The following NFASC variants were observed in gnomAD, a reference collection of about 807,000 sequenced individuals.
The protein encoded by NFASC is neurofascin homolog.
A neutral mutation model predicts 147.5 loss-of-function variants in NFASC; 43 were observed. That is an observed-to-expected ratio of 0.29 (90% CI 0.23 to 0.38). The LOEUF is 0.38. NFASC is among the 10% of genes least tolerant of loss of function. NFASC has a pLI of 1.00. For missense variants in NFASC, 1,320 were observed against 1,689.0 expected, an observed-to-expected ratio of 0.78 and a Z score of 3.83; for synonymous variants, 622 against 665.5, an observed-to-expected ratio of 0.93 and a Z score of 1.01.
intron 3 of NFASC, 100 bp from the exon 4 acceptor site, chr1:204,950,457 C>G: frequency 9.0e-7 from 1 of 1,109,224 alleles, no homozygotes; most frequent in Non-Finnish European, 1.3e-6. Flanking sequence ...ACACCCCGCC[C>G]ACTCCCTGTG....
At chr1:204,908,342 T>C (rs1572849535) in intron 1 of NFASC, among the ~76,000 whole-genome samples, 1 of 152,158 alleles carries the variant, frequency 6.6e-6, no homozygotes, top group East Asian at 1.9e-4. Context: ...GTAGTAGATT[T>C]TTTTTTCCTA....
intron 20 of NFASC, 79 bp downstream of exon 20, chr1:204,980,519 C>A: frequency 9.7e-7 from 1 of 1,029,328 alleles, no homozygotes; most frequent in South Asian, 1.4e-5. Flanking sequence ...GATGCCCCGA[C>A]ACTACGAGGC....
At chr1:204,923,219 C>T (rs1035611935) in intron 2 of NFASC, among the ~76,000 whole-genome samples, 1 of 152,174 alleles carries the variant, frequency 6.6e-6, no homozygotes, top group Non-Finnish European at 1.5e-5. Flanking sequence ...CAGGTGTGAG[C>T]TCTGAAACCG....
At chr1:204,972,092 G>A (rs140576992) in intron 11 of NFASC, among the ~76,000 whole-genome samples, 29 of 152,330 alleles carry the variant, frequency 1.9e-4, no homozygotes, top group African/African-American at 4.6e-4. Context: ...GGACCCGGGC[G>A]TGGATGATAA....
chr1:204,980,743 TGAA>T (rs1329191990), intron 20 of NFASC, among the ~76,000 whole-genome samples: 3 of 152,178 alleles, frequency 2.0e-5, no homozygotes, highest in Non-Finnish European at 2.9e-5. Context: ...AGACTTCTCT[TGAA>T]GGAGGAGGGA....
chr1:204,848,852 G>A (rs1048466472), intron 1 of NFASC, among the ~76,000 whole-genome samples: 20 of 152,196 alleles, frequency 1.3e-4, no homozygotes, highest in African/African-American at 4.6e-4. Context: ...TAGAAGCAAA[G>A]CGTTCATTAT....
intron 1 of NFASC, among the ~76,000 whole-genome samples, chr1:204,864,502 A>G (rs7537504): frequency 0.17 from 26,162 of 152,134 alleles, 3,553 homozygotes; most frequent in East Asian, 0.68. Flanking sequence ...AAGTGTTCCA[A>G]TTTCTCCACA....
intron 1 of NFASC, among the ~76,000 whole-genome samples, chr1:204,904,990 T>A (rs965625681): frequency 1.3e-5 from 2 of 152,224 alleles, no homozygotes; most frequent in Non-Finnish European, 2.9e-5. Flanking sequence ...AAATGTCTAA[T>A]CTTATGATTC....
rs763007267 is a variant in NFASC at position 204,991,312 on chromosome 1, G to A, written c.2782+6G>A. ...TGAAGCTACTCCAACCGCAGGTACC[G>A]TACCAGCCGCGGAGGTAATGGGCAT... is the stretch of plus-strand genomic sequence containing the variant. On this transcript the variant is annotated splice_donor_region_variant and intron_variant, in intron 24 of 29. Transcript: ENST00000339876. 40 of 1,612,204 alleles carry A rather than the reference G, an allele frequency of 2.5e-5. No individual in the cohort carries two copies. Among genetic ancestry groups the A allele is most frequent in the Admixed American group, 1.2e-4 (7 of 59,768 alleles).
At chr1:204,871,210 C>T (rs756698926) in intron 1 of NFASC, 12 of 796,070 alleles carry the variant, frequency 1.5e-5, no homozygotes, top group African/African-American at 1.8e-5. Context: ...TGGTTGTGCA[C>T]AAGGGCTGCA....
At chr1:204,841,026 T>C (rs1318805238) in intron 1 of NFASC, among the ~76,000 whole-genome samples, 1 of 152,232 alleles carries the variant, frequency 6.6e-6, no homozygotes, top group Non-Finnish European at 1.5e-5. Context: ...ATTTCCAAAG[T>C]GGCAGGGCTA....
intron 3 of NFASC, 118 bp downstream of exon 3, chr1:204,944,524 A>G (rs2595961): frequency 0.8 from 627,211 of 780,978 alleles, 257,522 homozygotes; most frequent in Non-Finnish European, 0.85. Context: ...GAGGGGACGC[A>G]GTGGATTCTG....
At chr1:204,923,104 G>A (rs939667702) in intron 2 of NFASC, among the ~76,000 whole-genome samples, 1 of 152,222 alleles carries the variant, frequency 6.6e-6, no homozygotes, top group African/African-American at 2.4e-5. Context: ...GCACCTGTGT[G>A]GCAACCATTT....
intron 1 of NFASC, among the ~76,000 whole-genome samples, chr1:204,918,863 G>A (rs558353070): frequency 6.6e-6 from 1 of 152,210 alleles, no homozygotes; most frequent in South Asian, 2.1e-4. Flanking sequence ...TGGGATTATA[G>A]GCATGAGCCA....
In NFASC at chr1:205,015,845, CAG is replaced by C. The variant is rs141506710; in HGVS notation, c.3492-460_3492-459del. On this transcript the variant is annotated intron_variant, in intron 29 of 29. Transcript: ENST00000339876. The surrounding 1 kb of genome is among the most constrained non-coding windows in gnomAD (Gnocchi z 4.0). ...TTGTCAAGGCGAGAGTGTTTCCCTA[CAG>C]AGTCACAGGTCTTGGGAGATCAAAG... 1.8e-4 allele frequency among the ~76,000 whole-genome samples: 27 copies of C among 152,240 alleles called. No homozygotes were observed. Among genetic ancestry groups the C allele is most frequent in the African/African-American group, 4.8e-4 (20 of 41,548 alleles).
chr1:204,934,771 CT>C (rs2092689530), intron 2 of NFASC, among the ~76,000 whole-genome samples: 1 of 152,188 alleles, frequency 6.6e-6, no homozygotes, highest in Non-Finnish European at 1.5e-5. Flanking sequence ...TGGTGACAGG[CT>C]AGGAGATGGT....
Position 204,977,719 on chromosome 1 carries a change from C to T in NFASC, c.1870C>T (p.Pro624Ser), listed in dbSNP as rs1434459632. The T allele has an allele frequency of 2.5e-6, 4 of 1,609,456 alleles. No homozygotes were observed. The highest frequency in any genetic ancestry group is 1.3e-5 in the African/African-American group (1 of 74,918). ...TCCAACTAACCGTTTGGCTGCCCTG[C>T]CCAAAGGTAATTCCCACTAATCACA... ...ATPTNRLAAL[P>S]KGRPDRPRDL... is the part of the protein sequence containing the mutation. The change falls in exon 17 of 30, where the codon CCC becomes TCC. Residue 624 changes from proline (P) to serine (S), a missense_variant. This residue lies in a region of NFASC where 981 missense variants were observed against 1,289.5 expected (regional missense o/e 0.76). Coordinates refer to ENST00000339876, the MANE Select transcript of NFASC (RefSeq NM_001005388.3).
chr1:204,873,156 GGCAC>G (rs1442156604), intron 1 of NFASC, among the ~76,000 whole-genome samples: 1 of 152,030 alleles, frequency 6.6e-6, no homozygotes, highest in African/African-American at 2.4e-5. Context: ...CTTCCTTCCA[GGCAC>G]CTTGCATTTG....
rs1367259020 is a variant in NFASC, at chr1:204,975,850, AGCCC to A, written c.1706+433_1706+436del. ...GCAGGGTTGATCTGAGCCAGCTCTC[AGCCC>A]TGACTGAACCTGGCATGCTTTTACC... On this transcript the variant is annotated intron_variant, in intron 15 of 29. Transcript: ENST00000339876. This position sits in a 1 kb window ranked among gnomAD's most constrained non-coding sequence, Gnocchi z 4.0. Among the ~76,000 whole-genome samples the A allele has an allele frequency of 8.5e-5, 13 of 152,120 alleles. No individual in the cohort carries two copies. Among genetic ancestry groups the A allele is most frequent in the Admixed American group, 8.5e-4 (13 of 15,274 alleles).
Sources: gnomAD v4.1 joint callset for allele counts (sites outside exome capture counted in the v4.1 genomes callset) on GRCh38, gnomAD v4.1.1 for gene constraint, gnomAD v4.1.1 regional missense constraint, Gnocchi (gnomAD v3.1) non-coding constraint, MANE v1.5 for transcripts, NCBI Gene and HGNC (gene_info 2026-07-23, HGNC 2026-07-21) for gene names.